ANO6: variants seen among roughly 807,000 people sequenced by gnomAD.
The protein encoded by ANO6 is anoctamin 6.
A neutral mutation model predicts 117.5 loss-of-function variants in ANO6; 106 were observed. The observed-to-expected ratio is 0.90, with a 90% CI of 0.77 to 1.06. ANO6 has a LOEUF of 1.06. Among genes scored for constraint, ANO6 ranks in the 50% least tolerant of loss-of-function variants. ANO6 has a pLI of 0.00. For missense variants in ANO6, 955 were observed against 1,121.1 expected (o/e 0.85, Z 2.12); for synonymous variants, 367 against 385.1 (o/e 0.95, Z 0.55).
At chr12:45,439,713 G>A (rs1415777485) in exon 20 of ANO6, 1 of 1,503,930 alleles carries the variant, frequency 6.6e-7, no homozygotes, top group South Asian at 1.3e-5. Flanking sequence ...ACAGTGGCAT[G>A]ATCTTGGCTC....
At chr12:45,220,043 T>C (rs944498595) in intron 1 of ANO6, among the ~76,000 whole-genome samples, 56 of 152,310 alleles carry the variant, frequency 3.7e-4, no homozygotes, top group African/African-American at 1.3e-3. Context: ...TCAGCATCTC[T>C]TCTTGTTCAT....
At chr12:45,356,993 A>T (rs1941428425) in intron 7 of ANO6, among the ~76,000 whole-genome samples, 1 of 152,236 alleles carries the variant, frequency 6.6e-6, no homozygotes, top group South Asian at 2.1e-4. Flanking sequence ...CTTTACAAAG[A>T]ATGATAGTAA....
intron 7 of ANO6, among the ~76,000 whole-genome samples, chr12:45,351,016 C>T (rs915681471): frequency 3.3e-5 from 5 of 152,228 alleles, no homozygotes; most frequent in African/African-American, 9.6e-5. Flanking sequence ...CTCAAAGCTC[C>T]AGTTCTCCAA....
chr12:45,433,272 A>G (rs1943668891), downstream of ANO6, among the ~76,000 whole-genome samples: 1 of 152,232 alleles, frequency 6.6e-6, no homozygotes, highest in Non-Finnish European at 1.5e-5. Context: ...AACACCAGTG[A>G]GAGTGGCTGA....
rs544917428 is a variant in ANO6, at chr12:45,341,051, G to A, written c.280-5971G>A. ...TAACACCAAGGTGATATATTAATGT[G>A]TTTAAGCAAATAAAAATGTCCTATC... On this transcript the variant is annotated intron_variant, in intron 3 of 19. Transcript: ENST00000320560. Among the ~76,000 whole-genome samples the A allele has an allele frequency of 2.0e-5, 3 of 152,284 alleles. No individual in the cohort carries two copies. In the Middle Eastern group the frequency reaches 0.01, roughly 518 times the overall value.
chr12:45,404,292 T>C (rs1942875933), intron 15 of ANO6, among the ~76,000 whole-genome samples: 1 of 152,228 alleles, frequency 6.6e-6, no homozygotes, highest in Non-Finnish European at 1.5e-5. Context: ...AAGATTTCAT[T>C]GCCCTTTACA....
At chr12:45,226,793 AAGAT>A (rs1158843273) in intron 1 of ANO6, among the ~76,000 whole-genome samples, 2 of 151,916 alleles carry the variant, frequency 1.3e-5, no homozygotes, top group Non-Finnish European at 2.9e-5. Flanking sequence ...ATTCTAAAGA[AAGAT>A]AATACATTTT....
intron 4 of ANO6, 28 bp from the exon 5 acceptor site, chr12:45,348,000 G>A: frequency 1.9e-6 from 3 of 1,607,532 alleles, no homozygotes; most frequent in Non-Finnish European, 1.7e-6. Flanking sequence ...TTGGTTTCTT[G>A]TTCTGCGTTT....
intron 8 of ANO6, among the ~76,000 whole-genome samples, chr12:45,362,819 T>A (rs1941589075): frequency 6.6e-6 from 1 of 152,220 alleles, no homozygotes; most frequent in Non-Finnish European, 1.5e-5. Context: ...ATCTGTTCCT[T>A]CTCTACTCCT....
chr12:45,421,506 G>T (rs911969196), intron 18 of ANO6, among the ~76,000 whole-genome samples: 20 of 152,156 alleles, frequency 1.3e-4, no homozygotes, highest in African/African-American at 4.8e-4. Context: ...AAAAGTTAAT[G>T]AAGACTAGGG....
intron 1 of ANO6, among the ~76,000 whole-genome samples, chr12:45,254,515 C>T (rs1052287318): frequency 4.6e-5 from 7 of 152,278 alleles, no homozygotes; most frequent in Admixed American, 2.6e-4. Context: ...TTGTTGAAGG[C>T]GTCATAGATA....
chr12:45,377,331 A>T (rs1437510993), intron 9 of ANO6, among the ~76,000 whole-genome samples: 1 of 152,198 alleles, frequency 6.6e-6, no homozygotes, highest in African/African-American at 2.4e-5. Context: ...TCATAGAGGG[A>T]GATAGGCTAC....
intron 16 of ANO6, among the ~76,000 whole-genome samples, chr12:45,414,497 C>T (rs969815651): frequency 1.3e-5 from 2 of 152,122 alleles, no homozygotes; most frequent in Non-Finnish European, 2.9e-5. Flanking sequence ...CTTGCATCCA[C>T]TGCTTCAAAG....
chr12:45,438,128 C>T (rs891793220), intron 19 of ANO6, among the ~76,000 whole-genome samples: 1 of 152,100 alleles, frequency 6.6e-6, no homozygotes, highest in Admixed American at 6.5e-5. Context: ...TCATCCTGCC[C>T]AATGCCCACT....
intron 1 of ANO6, among the ~76,000 whole-genome samples, chr12:45,291,017 G>A (rs78330037): frequency 0.017 from 2,651 of 152,208 alleles, 56 homozygotes; most frequent in East Asian, 0.085. Context: ...TTTGAAAAGC[G>A]TGCCAGATAC....
At chr12:45,384,536 T>C (rs1006226745) in intron 10 of ANO6, among the ~76,000 whole-genome samples, 6 of 152,188 alleles carry the variant, frequency 3.9e-5, no homozygotes, top group African/African-American at 1.4e-4. Context: ...GGGTTATTAA[T>C]TGGCCTAATT....
intron 12 of ANO6, among the ~76,000 whole-genome samples, chr12:45,400,520 CTT>C (rs1367185538): frequency 6.6e-6 from 1 of 152,220 alleles, no homozygotes; most frequent in Non-Finnish European, 1.5e-5. Context: ...TTTTTTAACA[CTT>C]AACTTTGGTT....
At chr12:45,259,776 C>G (rs1469728041) in intron 1 of ANO6, among the ~76,000 whole-genome samples, 3 of 152,206 alleles carry the variant, frequency 2.0e-5, no homozygotes, top group African/African-American at 7.2e-5. Context: ...ACCATATGTT[C>G]TATTCTGAAA....
intron 10 of ANO6, among the ~76,000 whole-genome samples, chr12:45,380,249 G>A (rs1022114064): frequency 6.6e-6 from 1 of 152,182 alleles, no homozygotes; most frequent in Non-Finnish European, 1.5e-5. Context: ...TTGAAGTAAA[G>A]GTTCTAAACA....
Sources: gnomAD v4.1 joint callset for allele counts (sites outside exome capture counted in the v4.1 genomes callset) on GRCh38, gnomAD v4.1.1 for gene constraint, MANE v1.5 for transcripts, NCBI Gene and HGNC (gene_info 2026-07-23, HGNC 2026-07-21) for gene names.